Variants in BET1 observed in about 807,000 individuals in gnomAD.
BET1 encodes the protein Bet1 golgi vesicular membrane trafficking protein.
Under a neutral mutation model 13.9 loss-of-function variants are expected in BET1, and 9 were observed. That is an observed-to-expected ratio of 0.65 (90% CI 0.39 to 1.13). The LOEUF (loss-of-function observed/expected upper bound fraction) is 1.13, where lower values mean the gene tolerates loss of function less well. Among genes scored for constraint, BET1 ranks in the 50% most tolerant of loss-of-function variants. The pLI, the probability that BET1 is intolerant of heterozygous loss-of-function variation, is 0.01. For missense variants in BET1, 127 were observed against 133.6 expected, an observed-to-expected ratio of 0.95 and a Z score of 0.24; for synonymous variants, 39 against 47.3, an observed-to-expected ratio of 0.82 and a Z score of 0.72.
At chr7:93,991,888 G>T (rs1220673524), downstream of BET1, 6 of 974,914 alleles carry the variant, frequency 6.2e-6, no homozygotes, top group Non-Finnish European at 7.3e-6. Context: ...TTCTCTCAAA[G>T]AAGTAAATTC....
chr7:94,004,212 C>G lies in BET1; in HGVS notation c.5G>C (p.Arg2Thr), dbSNP rs1452219940. M[R>T]RAGLGEGVPP... is the part of the protein sequence containing the mutation. Reference sequence around the variant, plus strand: ...CCTCTTCTTACCCAGGCCTGCACGCCTCATCCTGCCAGAGGAGAGAGAGAA... The same window carrying G: ...CCTCTTCTTACCCAGGCCTGCACGCGTCATCCTGCCAGAGGAGAGAGAGAA... The change falls in exon 1 of 4, where the codon AGG becomes ACG. Residue 2 changes from arginine (R) to threonine (T), a missense_variant. Arg to Thr is a moderately conservative substitution (Grantham distance 71). Coordinates refer to ENST00000222547, the MANE Select transcript of BET1 (RefSeq NM_005868.6). The G allele has an allele frequency of 6.2e-7, 1 of 1,614,078 alleles. No homozygotes were observed. The highest frequency in any genetic ancestry group is 1.7e-5 in the Admixed American group (1 of 60,018).
chr7:93,985,468 T>G (rs1795508892), intron 4 of BET1, among the ~76,000 whole-genome samples: 1 of 152,204 alleles, frequency 6.6e-6, no homozygotes, highest in South Asian at 2.1e-4. Context: ...AAATGGTTAT[T>G]ATTATTAATC....
At chr7:93,995,058 G>T (rs1013642198) in intron 3 of BET1, among the ~76,000 whole-genome samples, 8 of 152,014 alleles carry the variant, frequency 5.3e-5, no homozygotes, top group Non-Finnish European at 7.4e-5. Flanking sequence ...GTTGGCCAGG[G>T]TGGTCTTGAA....
chr7:93,995,020 A>G (rs1795732265), intron 3 of BET1, among the ~76,000 whole-genome samples: 1 of 151,940 alleles, frequency 6.6e-6, no homozygotes, highest in Non-Finnish European at 1.5e-5. Flanking sequence ...ATTTTTTTGT[A>G]TTTTTAGTAG....
At chr7:93,973,380 G>T (rs1191656325) in intron 5 of BET1, among the ~76,000 whole-genome samples, 1 of 151,836 alleles carries the variant, frequency 6.6e-6, no homozygotes, top group Non-Finnish European at 1.5e-5. Flanking sequence ...CTAAAGTAAA[G>T]GCTCAAAACT....
At chr7:93,967,208 T>C (rs956412229) in intron 6 of BET1, among the ~76,000 whole-genome samples, 4 of 151,850 alleles carry the variant, frequency 2.6e-5, no homozygotes, top group Non-Finnish European at 5.9e-5. Context: ...TGCTTTAGAT[T>C]TCCATCCCAC....
intron 6 of BET1, among the ~76,000 whole-genome samples, chr7:93,967,699 A>G (rs1386508789): frequency 6.6e-6 from 1 of 151,870 alleles, no homozygotes; most frequent in African/African-American, 2.4e-5. Context: ...TGAAGGATAA[A>G]AATGGCTCTG....
chr7:93,996,994 T>C (rs1028959526), intron 2 of BET1, among the ~76,000 whole-genome samples: 4 of 151,948 alleles, frequency 2.6e-5, no homozygotes, highest in Non-Finnish European at 5.9e-5. Flanking sequence ...TGCTTTAAAA[T>C]ATGATAATAA....
Position 93,997,267 on chromosome 7 carries a change from C to T in BET1, c.145-946G>A, listed in dbSNP as rs866075827. Among the ~76,000 whole-genome samples the T allele has an allele frequency of 3.3e-5, 5 of 152,058 alleles. No homozygotes were observed. The South Asian group carries it at 1.0e-3, about 31-fold the overall frequency. On this transcript the variant is annotated intron_variant, in intron 2 of 3. Coordinates refer to ENST00000222547, the MANE Select transcript of BET1 (RefSeq NM_005868.6). Reference sequence around the variant, plus strand: ...ACATGGGATAATACTGATACAAAACCATACTAGAATTCTATAGATCAGAAC... The same window carrying T: ...ACATGGGATAATACTGATACAAAACTATACTAGAATTCTATAGATCAGAAC...
At chr7:93,966,334 C>T (rs951087617) in intron 6 of BET1, among the ~76,000 whole-genome samples, 67 of 151,824 alleles carry the variant, frequency 4.4e-4, no homozygotes, top group Non-Finnish European at 2.6e-4. Flanking sequence ...CTGAGAGATG[C>T]ATGTTTTTGT....
chr7:93,972,041 C>G (rs892136870), intron 6 of BET1, among the ~76,000 whole-genome samples: 2 of 151,626 alleles, frequency 1.3e-5, no homozygotes, highest in African/African-American at 2.4e-5. Context: ...AGGTGTCAAG[C>G]TAAGATTGTG....
downstream of BET1, chr7:93,992,206 A>C: frequency 1.0e-6 from 1 of 985,410 alleles, no homozygotes; most frequent in Non-Finnish European, 1.2e-6. Context: ...AATAAAAATC[A>C]TAAGAAATGT....
At chr7:94,003,459 T>TAA (rs58774597) in intron 1 of BET1, among the ~76,000 whole-genome samples, 4 of 149,998 alleles carry the variant, frequency 2.7e-5, no homozygotes, top group African/African-American at 9.8e-5. Context: ...GGGTCTTCTT[T>TAA]AAAAAAAAAA....
At chr7:93,970,849 G>T (rs1380431549) in intron 6 of BET1, among the ~76,000 whole-genome samples, 1 of 151,616 alleles carries the variant, frequency 6.6e-6, no homozygotes. Context: ...ATATTTCAGA[G>T]TGTTAGTAAT....
At chr7:93,964,219 C>T (rs1312125829) in exon 7 of BET1, 1 of 151,918 alleles carries the variant, frequency 6.6e-6, no homozygotes, top group Non-Finnish European at 1.5e-5. Flanking sequence ...ATTTCTCACC[C>T]AAGTAGTGAG....
In BET1 at chr7:94,004,353, A is replaced by G. The variant is rs1024222693; in HGVS notation, c.-137T>C. 136 of 1,208,684 alleles carry G rather than the reference A, an allele frequency of 1.1e-4. No homozygotes were observed. The highest frequency in any genetic ancestry group is 5.8e-4 in the Admixed American group (31 of 53,250). The allele number at this position is 1,208,684 out of a possible 1,614,324, so 74.9% of individuals were successfully genotyped here. A position where few individuals can be genotyped will look rare whatever the true frequency, so the allele number is the denominator to read the frequency against. On this transcript the variant is annotated 5_prime_UTR_variant, in exon 1 of 4. Coordinates refer to ENST00000222547, the MANE Select transcript of BET1 (RefSeq NM_005868.6). ...TCTTCCCCTAAAGCGCCACGACATC[A>G]GTGGAGTCTAAACACCGCGCCGGAT...
chr7:93,980,860 T>C (rs1795416019), intron 4 of BET1, among the ~76,000 whole-genome samples: 1 of 152,180 alleles, frequency 6.6e-6, no homozygotes, highest in Admixed American at 6.5e-5. Flanking sequence ...TTATATATGT[T>C]GGAGTTCTCA....
At chr7:93,976,441 T>C (rs138726073) in intron 4 of BET1, among the ~76,000 whole-genome samples, 2 of 152,174 alleles carry the variant, frequency 1.3e-5, no homozygotes, top group East Asian at 3.9e-4. Flanking sequence ...TGTACTCACT[T>C]AAAATGGCAC....
chr7:94,004,036 A>G (rs1795971975), intron 1 of BET1, among the ~76,000 whole-genome samples, 162 bp downstream of exon 1: 2 of 152,144 alleles, frequency 1.3e-5, no homozygotes, highest in South Asian at 4.1e-4. Context: ...AAGATCTGGG[A>G]CAAATGGTGT....
Sources: allele counts gnomAD v4.1 joint callset (sites outside exome capture counted in the v4.1 genomes callset), GRCh38; gene constraint gnomAD v4.1.1; transcripts MANE v1.5; gene names NCBI Gene and HGNC (gene_info 2026-07-23, HGNC 2026-07-21).